Variants in PRKG1 observed in about 807,000 individuals in gnomAD.
The protein encoded by PRKG1 is cGMP-dependent protein kinase 1.
PRKG1 carries 35 observed loss-of-function variants against 88.1 expected under a neutral mutation model. That is an observed-to-expected ratio of 0.40 (90% CI 0.30 to 0.53). The LOEUF (loss-of-function observed/expected upper bound fraction) is 0.53, where lower values mean the gene tolerates loss of function less well. PRKG1 is among the 20% of genes least tolerant of loss of function. The pLI is 0.59. For missense variants in PRKG1, 540 were observed against 839.8 expected (o/e 0.64, Z 4.41); for synonymous variants, 303 against 292.5 (o/e 1.04, Z -0.37).
At chr10:52,283,189 G>T (rs1419307785) in intron 14 of PRKG1, among the ~76,000 whole-genome samples, 1 of 152,096 alleles carries the variant, frequency 6.6e-6, no homozygotes, top group African/African-American at 2.4e-5. Context: ...GTGTGTTGTG[G>T]TATTTAAGGA....
At chr10:51,707,233 G>A (rs889265742) in intron 3 of PRKG1, among the ~76,000 whole-genome samples, 8 of 152,088 alleles carry the variant, frequency 5.3e-5, no homozygotes, top group East Asian at 3.9e-4. Flanking sequence ...ATATGTAGTC[G>A]GCTAGAATTC....
At chr10:51,237,413 A>G (rs1313627665) in intron 2 of PRKG1, among the ~76,000 whole-genome samples, 1 of 152,162 alleles carries the variant, frequency 6.6e-6, no homozygotes, top group Non-Finnish European at 1.5e-5. Flanking sequence ...CCCAGGGCAC[A>G]TTTGCATATC....
chr10:51,591,293 G>T (rs192669427), intron 3 of PRKG1, among the ~76,000 whole-genome samples: 1 of 152,062 alleles, frequency 6.6e-6, no homozygotes, highest in Admixed American at 6.6e-5. Flanking sequence ...TAAAACTGTT[G>T]GTAGCTATTT....
chr10:51,960,454 G>C (rs1398386329), intron 5 of PRKG1, among the ~76,000 whole-genome samples: 1 of 152,030 alleles, frequency 6.6e-6, no homozygotes, highest in African/African-American at 2.4e-5. Flanking sequence ...ATATTTATGG[G>C]AGTAAGATAC....
intron 1 of PRKG1, among the ~76,000 whole-genome samples, chr10:51,066,601 A>G (rs1012736969): frequency 4.6e-5 from 7 of 152,160 alleles, no homozygotes; most frequent in Non-Finnish European, 7.4e-5. Flanking sequence ...ACTCAGGTTC[A>G]ACACTGAAAG....
intron 3 of PRKG1, among the ~76,000 whole-genome samples, chr10:51,731,490 T>C (rs1216730756): frequency 2.0e-5 from 3 of 152,164 alleles, no homozygotes; most frequent in East Asian, 1.9e-4. Context: ...ACAGTATTAG[T>C]AGGCCTGAAG....
At chr10:52,273,626 T>C (rs1187663783) in intron 12 of PRKG1, among the ~76,000 whole-genome samples, 1 of 152,084 alleles carries the variant, frequency 6.6e-6, no homozygotes, top group Non-Finnish European at 1.5e-5. Context: ...TTCTTATATA[T>C]GCCAAATGGA....
At chr10:51,410,109 C>T (rs1454634975) in intron 2 of PRKG1, among the ~76,000 whole-genome samples, 1 of 151,808 alleles carries the variant, frequency 6.6e-6, no homozygotes, top group Non-Finnish European at 1.5e-5. Context: ...AGTGGGTACT[C>T]CTAGTACCAA....
chr10:52,025,663 T>C (rs1189622524), intron 5 of PRKG1, among the ~76,000 whole-genome samples: 5 of 151,840 alleles, frequency 3.3e-5, no homozygotes, highest in African/African-American at 4.8e-5. Flanking sequence ...TTCTGAGGTC[T>C]CTGTTCTGTT....
chr10:51,311,356 T>TA (rs1801165929), intron 2 of PRKG1, among the ~76,000 whole-genome samples: 1 of 152,200 alleles, frequency 6.6e-6, no homozygotes, highest in African/African-American at 2.4e-5. Context: ...CATGAGTTCT[T>TA]AAAAAATATT....
intron 3 of PRKG1, among the ~76,000 whole-genome samples, chr10:51,682,493 G>A (rs539548423): frequency 1.2e-4 from 19 of 152,198 alleles, no homozygotes; most frequent in African/African-American, 3.4e-4. Flanking sequence ...CTTTCTCAAT[G>A]CCTGGAGAAG....
chr10:51,057,783 T>C (rs928969321), intron 1 of PRKG1, among the ~76,000 whole-genome samples: 1 of 152,184 alleles, frequency 6.6e-6, no homozygotes, highest in African/African-American at 2.4e-5. Flanking sequence ...TTTGTGCTAT[T>C]GCCAGTTTGG....
chr10:52,059,697 G>A (rs116517682), intron 6 of PRKG1, among the ~76,000 whole-genome samples: 81 of 151,906 alleles, frequency 5.3e-4, no homozygotes, highest in African/African-American at 1.7e-3. Context: ...GTGTCTAATT[G>A]TTCTGGGAAT....
chr10:52,180,878 C>T (rs1056794784), intron 9 of PRKG1, among the ~76,000 whole-genome samples: 5 of 152,166 alleles, frequency 3.3e-5, no homozygotes, highest in Non-Finnish European at 5.9e-5. Flanking sequence ...GGGGGCATGC[C>T]AGCCAGGTGT....
In PRKG1 at chr10:52,272,383, A is replaced by G. The variant is rs1589750414; in HGVS notation, c.1314-9A>G. 2 of 1,574,500 alleles carry G rather than the reference A, an allele frequency of 1.3e-6. No individual in the cohort carries two copies. Among genetic ancestry groups the G allele is most frequent in the Non-Finnish European group, 1.7e-6 (2 of 1,154,298 alleles). ...TTATAATCTTTGTTTTCTTGTTTGC[A>G]ATTTACAGACTGTACAGAACATTTA... is the stretch of plus-strand genomic sequence containing the variant. On this transcript the variant is annotated splice_polypyrimidine_tract_variant and intron_variant, in intron 11 of 17. Transcript: ENST00000373980.
intron 5 of PRKG1, among the ~76,000 whole-genome samples, chr10:51,989,762 C>T (rs1564741587): frequency 6.6e-6 from 1 of 152,074 alleles, no homozygotes; most frequent in Non-Finnish European, 1.5e-5. Context: ...AAAAATCAGA[C>T]TCATCTTTAA....
At chr10:51,821,428 A>G (rs1321529255) in intron 4 of PRKG1, among the ~76,000 whole-genome samples, 3 of 152,098 alleles carry the variant, frequency 2.0e-5, no homozygotes, top group Non-Finnish European at 4.4e-5. Flanking sequence ...GTGCTATATA[A>G]TTTTGCACAG....
chr10:51,554,088 C>CGTGTGTGATAT lies in PRKG1; in HGVS notation c.592+86256_592+86257insGTGATATGTGT, dbSNP rs1837232490. ...ATATATTATATGTGCGTATGTGATA[C>CGTGTGTGATAT]GTGTATATATTATATGTGCGTATGT... is the stretch of plus-strand genomic sequence containing the variant. On this transcript the variant is annotated intron_variant, in intron 3 of 17. Transcript: ENST00000373980. Among the ~76,000 whole-genome samples, 2 of 68,714 alleles carry CGTGTGTGATAT rather than the reference C, an allele frequency of 2.9e-5. 1 individual carries two copies. Among genetic ancestry groups the CGTGTGTGATAT allele is most frequent in the Non-Finnish European group, 5.3e-5 (2 of 37,970 alleles). 45.1% of individuals were successfully genotyped at this position (68,714 alleles called of 152,430 possible). A position where few individuals can be genotyped will look rare whatever the true frequency, so the allele number is the denominator to read the frequency against.
intron 12 of PRKG1, among the ~76,000 whole-genome samples, chr10:52,280,151 C>T (rs1841970309): frequency 6.6e-6 from 1 of 152,002 alleles, no homozygotes; most frequent in South Asian, 2.1e-4. Flanking sequence ...TCCATCTTTT[C>T]CCCTTAATAA....
Sources: allele counts gnomAD v4.1 joint callset (sites outside exome capture counted in the v4.1 genomes callset), GRCh38; gene constraint gnomAD v4.1.1; transcripts MANE v1.5; gene names NCBI Gene and HGNC (gene_info 2026-07-23, HGNC 2026-07-21).